Variants in TBC1D14 observed in about 807,000 individuals in gnomAD.
TBC1D14 encodes TBC1 domain family, member 14.
Under a neutral mutation model 79.0 loss-of-function variants are expected in TBC1D14, and 26 were observed. That is an observed-to-expected ratio of 0.33 (90% CI 0.24 to 0.46). The LOEUF (loss-of-function observed/expected upper bound fraction) is 0.46. Among genes scored for constraint, TBC1D14 ranks in the 20% least tolerant of loss-of-function variants. The pLI is 1.00. For synonymous variants in TBC1D14, 394 were observed against 349.9 expected (o/e 1.13, Z -1.40); for missense variants, 769 against 887.6 (o/e 0.87, Z 1.70).
At chr4:6,990,727 T>C (rs560766167) in intron 3 of TBC1D14, among the ~76,000 whole-genome samples, 2 of 152,240 alleles carry the variant, frequency 1.3e-5, no homozygotes, top group African/African-American at 2.4e-5. Flanking sequence ...ACATATCTTA[T>C]CTCTTGACCG....
intron 3 of TBC1D14, among the ~76,000 whole-genome samples, chr4:6,992,773 G>A (rs983971872): frequency 6.6e-6 from 1 of 152,346 alleles, no homozygotes; most frequent in Non-Finnish European, 1.5e-5. Flanking sequence ...TTAGGTCACG[G>A]CTGTGTACCC....
At chr4:6,970,326 C>A in intron 3 of TBC1D14, among the ~76,000 whole-genome samples, 1 of 152,210 alleles carries the variant, frequency 6.6e-6, no homozygotes. Context: ...CCTTTCTGAG[C>A]CTCATTTTCC....
At chr4:6,917,758 C>T (rs567679684) in intron 1 of TBC1D14, among the ~76,000 whole-genome samples, 3 of 152,246 alleles carry the variant, frequency 2.0e-5, no homozygotes, top group South Asian at 4.2e-4. Flanking sequence ...TCCTGGCTGG[C>T]GTCCAGAGTC....
chr4:6,975,806 A>G (rs865860981), intron 3 of TBC1D14, among the ~76,000 whole-genome samples: 5 of 152,116 alleles, frequency 3.3e-5, no homozygotes, highest in Admixed American at 2.6e-4. Context: ...AAATTATCCA[A>G]TCCAGGCTGG....
At chr4:6,998,952 C>G in intron 5 of TBC1D14, 133 bp from the exon 6 acceptor site, 2 of 731,804 alleles carry the variant, frequency 2.7e-6, no homozygotes, top group Non-Finnish European at 4.7e-6. Flanking sequence ...GTGAAGTGAG[C>G]GCTGGAGCTG....
intron 2 of TBC1D14, among the ~76,000 whole-genome samples, chr4:6,945,484 C>CAA (rs1199284556): frequency 6.6e-6 from 1 of 152,104 alleles, no homozygotes; most frequent in Non-Finnish European, 1.5e-5. Context: ...CGTGGTGGCT[C>CAA]ACGCCTGTAA....
intron 4 of TBC1D14, among the ~76,000 whole-genome samples, chr4:6,994,864 CAA>C (rs34072749): frequency 0.18 from 18,863 of 105,120 alleles, 2,367 homozygotes; most frequent in African/African-American, 0.42. Flanking sequence ...AACTCCGTCT[CAA>C]AAAAAAAAAA....
intron 11 of TBC1D14, among the ~76,000 whole-genome samples, chr4:7,011,447 T>G (rs1193332512): frequency 1.3e-5 from 2 of 152,166 alleles, no homozygotes; most frequent in African/African-American, 4.8e-5. Context: ...ATCTGGTAAG[T>G]GGAGGAGCTG....
At chr4:6,944,000 C>T (rs67321746) in intron 2 of TBC1D14, among the ~76,000 whole-genome samples, 12,342 of 150,828 alleles carry the variant, frequency 0.082, 573 homozygotes, top group African/African-American at 0.12. Context: ...CACCCATCTG[C>T]GGTGTCTGTG....
At chr4:6,972,592 G>A (rs56320732) in intron 3 of TBC1D14, among the ~76,000 whole-genome samples, 17,166 of 152,132 alleles carry the variant, frequency 0.11, 1,447 homozygotes, top group African/African-American at 0.23. Context: ...TGTCCAACCC[G>A]CCTTAGTTTT....
At chr4:6,917,753 G>A (rs1273777582) in intron 1 of TBC1D14, among the ~76,000 whole-genome samples, 1 of 152,172 alleles carries the variant, frequency 6.6e-6, no homozygotes, top group Non-Finnish European at 1.5e-5. Context: ...CGGTCTCCTG[G>A]CTGGCGTCCA....
At chr4:6,973,083 C>T (rs762450304) in intron 3 of TBC1D14, among the ~76,000 whole-genome samples, 1 of 152,164 alleles carries the variant, frequency 6.6e-6, no homozygotes, top group Non-Finnish European at 1.5e-5. Flanking sequence ...GGAGGATAGG[C>T]TTGTAGGTTT....
chr4:7,021,658 C>CT (rs10707809), intron 12 of TBC1D14, among the ~76,000 whole-genome samples: 14 of 149,496 alleles, frequency 9.4e-5, no homozygotes, highest in Non-Finnish European at 1.2e-4. Flanking sequence ...CTTGAAATTA[C>CT]TTTTTTTTTT....
At chr4:6,987,208 C>T (rs919990884) in intron 3 of TBC1D14, 1 of 1,232,364 alleles carries the variant, frequency 8.1e-7, no homozygotes, top group South Asian at 3.4e-5. Flanking sequence ...AGCGGCCTGC[C>T]GCCCCGCCCC....
At chr4:7,006,859 C>G (rs1560340355) in intron 9 of TBC1D14, 133 bp downstream of exon 9, 1 of 637,802 alleles carries the variant, frequency 1.6e-6, no homozygotes, top group Non-Finnish European at 2.7e-6. Flanking sequence ...GTGGATGTTA[C>G]TATTAAATAC....
chr4:6,989,121 C>G (rs574565829), intron 3 of TBC1D14, among the ~76,000 whole-genome samples: 1 of 151,962 alleles, frequency 6.6e-6, no homozygotes, highest in African/African-American at 2.4e-5. Flanking sequence ...GCAGGCTTTT[C>G]CCCCGCTTTT....
rs912225393 is a variant in TBC1D14, at chr4:7,025,905, A to G, written c.2016+643A>G. ...GCATTTCCTGTTCCGAGTCTTTGTC[A>G]TACTAAAAAGGAAAAAAAAACCAGT... On this transcript the variant is annotated intron_variant, in intron 13 of 13. Transcript: ENST00000409757. Among the ~76,000 whole-genome samples, 3 of 152,116 alleles carry G rather than the reference A, an allele frequency of 2.0e-5. No individual in the cohort carries two copies. In the East Asian group the frequency reaches 5.8e-4, roughly 29 times the overall value.
chr4:6,923,929 TGTG>T lies in TBC1D14; in HGVS notation c.543_545del (p.Val182del), dbSNP rs768788439. 103 of 1,614,068 alleles carry T rather than the reference TGTG, an allele frequency of 6.4e-5. 2 individuals are homozygous for T. In the South Asian group the frequency reaches 1.0e-3, roughly 16 times the overall value. ...TCAGCAATGAGGACATCTTGGACCT[TGTG>T]GTCACGAGCAGCTCCAGTGCCATTG... On this transcript the variant is annotated inframe_deletion, in exon 2 of 14. Transcript: ENST00000409757.
Position 7,009,857 on chromosome 4 carries a change from T to C in TBC1D14, c.1447-20T>C. The C allele has an allele frequency of 6.2e-7, 1 of 1,614,108 alleles. No homozygotes were observed. Among genetic ancestry groups the C allele is most frequent in the Non-Finnish European group, 8.5e-7 (1 of 1,179,952 alleles). On this transcript the variant is annotated intron_variant, in intron 9 of 13. Transcript: ENST00000409757. ...ACAGTACTCATGCATGTGTTGTTTT[T>C]GCTGTGTTGATCCTTTTAGGGTGGT...
Sources: allele counts gnomAD v4.1 joint callset (sites outside exome capture counted in the v4.1 genomes callset), GRCh38; gene constraint gnomAD v4.1.1; transcripts MANE v1.5; gene names NCBI Gene and HGNC (gene_info 2026-07-23, HGNC 2026-07-21).